Variants in MYT1L observed in about 807,000 individuals in gnomAD.
MYT1L encodes the protein myelin transcription factor 1-like protein.
MYT1L carries 12 observed loss-of-function variants against 126.7 expected under a neutral mutation model. That is an observed-to-expected ratio of 0.09 (90% CI 0.06 to 0.15). The LOEUF (loss-of-function observed/expected upper bound fraction) is 0.15. Ranked by LOEUF, MYT1L falls within the 10% of genes least tolerant of loss-of-function variation. The pLI, the probability that MYT1L is intolerant of heterozygous loss-of-function variation, is 1.00. For synonymous variants in MYT1L, 541 were observed against 604.2 expected, an observed-to-expected ratio of 0.90 and a Z score of 1.53; for missense variants, 979 against 1,585.2, an observed-to-expected ratio of 0.62 and a Z score of 6.49.
At chr2:2,292,532 C>G (rs935237029) in intron 1 of MYT1L, among the ~76,000 whole-genome samples, 1 of 152,066 alleles carries the variant, frequency 6.6e-6, no homozygotes, top group African/African-American at 2.4e-5. Context: ...CACTGCAAAC[C>G]CAGAGGTGGT....
At chr2:2,050,503 C>T (rs927909395) in intron 4 of MYT1L, among the ~76,000 whole-genome samples, 1 of 152,168 alleles carries the variant, frequency 6.6e-6, no homozygotes, top group Non-Finnish European at 1.5e-5. Flanking sequence ...TTTCCTAGAG[C>T]ACCAGCTGCG....
chr2:1,836,498 C>G (rs1188322316), intron 21 of MYT1L, among the ~76,000 whole-genome samples: 2 of 151,380 alleles, frequency 1.3e-5, no homozygotes, highest in Non-Finnish European at 2.9e-5. Flanking sequence ...CCCAAAATTC[C>G]ATCAGCCTGC....
chr2:1,997,000 G>T, intron 5 of MYT1L, among the ~76,000 whole-genome samples, 191 bp downstream of exon 5: 1 of 140,680 alleles, frequency 7.1e-6, no homozygotes, highest in African/African-American at 2.7e-5. Context: ...ACCTAGTGAG[G>T]GCCGCCCTGC....
At chr2:2,200,204 G>C (rs2093001552) in intron 2 of MYT1L, among the ~76,000 whole-genome samples, 1 of 152,134 alleles carries the variant, frequency 6.6e-6, no homozygotes, top group Non-Finnish European at 1.5e-5. Context: ...TAGGTACTTG[G>C]TGGGGGCTGC....
intron 4 of MYT1L, among the ~76,000 whole-genome samples, chr2:2,002,543 G>A (rs929070074): frequency 6.6e-6 from 1 of 152,208 alleles, no homozygotes; most frequent in Non-Finnish European, 1.5e-5. Flanking sequence ...TGGAATGTAT[G>A]AAGTGACTGA....
intron 4 of MYT1L, among the ~76,000 whole-genome samples, chr2:2,013,898 G>A (rs1437474966): frequency 6.6e-6 from 1 of 152,220 alleles, no homozygotes; most frequent in Non-Finnish European, 1.5e-5. Context: ...GGTCATAGGT[G>A]GAGTCCTTCC....
chr2:1,902,835 C>T (rs1573408157), intron 14 of MYT1L: 10 of 514,638 alleles, frequency 1.9e-5, no homozygotes, highest in South Asian at 8.8e-5. Flanking sequence ...CACGAGCAGC[C>T]GAGTGCGCTG....
In MYT1L at chr2:2,315,132, T is replaced by C. The variant is rs543357216; in HGVS notation, c.-521+15835A>G. On this transcript the variant is annotated intron_variant, in intron 1 of 24. Transcript: ENST00000647738. ...TCCAGAGCACACAGCACTTTTCTGT[T>C]AGTGTGTCAACTGTCCCTGAAAACT... Among the ~76,000 whole-genome samples the C allele has an allele frequency of 5.1e-4, 77 of 152,324 alleles. No homozygotes were observed. In the South Asian group the frequency reaches 8.5e-3, roughly 17 times the overall value.
intron 3 of MYT1L, among the ~76,000 whole-genome samples, chr2:2,112,528 C>T (rs888837795): frequency 6.6e-6 from 1 of 152,192 alleles, no homozygotes; most frequent in African/African-American, 2.4e-5. Context: ...GGCATTGAGA[C>T]TGTAGCCACG....
chr2:2,295,791 C>CAGACAGAG (rs1207847667), intron 1 of MYT1L, among the ~76,000 whole-genome samples: 11 of 100,372 alleles, frequency 1.1e-4, no homozygotes, highest in African/African-American at 3.5e-4. Context: ...GAGAGACAGA[C>CAGACAGAG]AGAGAGAGAG....
chr2:1,814,297 C>T (rs181569372), intron 21 of MYT1L, among the ~76,000 whole-genome samples: 172 of 152,296 alleles, frequency 1.1e-3, no homozygotes, highest in African/African-American at 4.0e-3. Context: ...AAGCAGGGCC[C>T]GGCCTGCACC....
intron 21 of MYT1L, among the ~76,000 whole-genome samples, chr2:1,809,397 C>G (rs893536082): frequency 4.9e-5 from 7 of 141,678 alleles, no homozygotes; most frequent in South Asian, 2.5e-4. Flanking sequence ...CATGGGTGCT[C>G]GGCTGGGGCT....
At chr2:1,986,931 C>A (rs1190203674) in intron 5 of MYT1L, among the ~76,000 whole-genome samples, 1 of 152,154 alleles carries the variant, frequency 6.6e-6, no homozygotes, top group African/African-American at 2.4e-5. Context: ...CAGGAAGGCA[C>A]CCCTTCCAGA....
At chr2:1,828,271 G>A (rs976873288) in intron 21 of MYT1L, 2 of 152,084 alleles carry the variant, frequency 1.3e-5, no homozygotes, top group African/African-American at 4.8e-5. Flanking sequence ...ACACTGGGGG[G>A]CCTGTTTTAC....
chr2:2,017,198 G>A (rs976685588), intron 4 of MYT1L, among the ~76,000 whole-genome samples: 3 of 152,110 alleles, frequency 2.0e-5, no homozygotes, highest in African/African-American at 7.2e-5. Context: ...CCTGCTTATC[G>A]CACTGGTGAG....
intron 8 of MYT1L, among the ~76,000 whole-genome samples, chr2:1,959,719 T>C (rs1303007304): frequency 6.6e-6 from 1 of 152,186 alleles, no homozygotes; most frequent in Non-Finnish European, 1.5e-5. Context: ...CAGTGCACCA[T>C]GACACATTTG....
intron 3 of MYT1L, among the ~76,000 whole-genome samples, chr2:2,109,340 A>G (rs1192412975): frequency 6.6e-6 from 1 of 152,204 alleles, no homozygotes; most frequent in East Asian, 1.9e-4. Context: ...AGCCCCCTCC[A>G]GATTCCTGTG....
At chr2:2,107,143 G>A (rs2078851246) in intron 3 of MYT1L, among the ~76,000 whole-genome samples, 1 of 152,134 alleles carries the variant, frequency 6.6e-6, no homozygotes. Context: ...AGTCAGTGGT[G>A]GCAAAAAAGG....
Position 1,792,308 on chromosome 2 carries a change from CTCAG to C in MYT1L, c.3420+9_3420+12del. 6.3e-7 allele frequency: 1 copy of C among 1,593,936 alleles called. No individual in the cohort carries two copies. The highest frequency in any genetic ancestry group is 1.1e-5 in the South Asian group (1 of 87,898). ...GGACTCCACATTCCTGCCTTGCGTG[CTCAG>C]TCACTTACCATGTGCGGCAGCTGGA... On this transcript the variant is annotated intron_variant, in intron 24 of 24. Coordinates refer to ENST00000647738, the MANE Select transcript of MYT1L (RefSeq NM_001303052.2).
Sources: allele counts gnomAD v4.1 joint callset (sites outside exome capture counted in the v4.1 genomes callset), GRCh38; gene constraint gnomAD v4.1.1; transcripts MANE v1.5; gene names NCBI Gene and HGNC (gene_info 2026-07-23, HGNC 2026-07-21).